Variants in THSD7B observed in about 807,000 individuals in gnomAD.
THSD7B encodes the protein thrombospondin type 1 domain containing 7B, also known as thrombospondin type-1 domain-containing protein 7B.
A neutral mutation model predicts 213.6 loss-of-function variants in THSD7B; 138 were observed. The ratio of observed to expected loss-of-function variants is 0.65; its 90% CI spans 0.56 to 0.74. THSD7B has a LOEUF of 0.74. THSD7B is among the 30% of genes least tolerant of loss of function. The pLI is 0.00. For synonymous variants in THSD7B, 742 were observed against 687.0 expected (o/e 1.08, Z -1.25); for missense variants, 1,931 against 1,991.5 (o/e 0.97, Z 0.58).
intron 19 of THSD7B, among the ~76,000 whole-genome samples, chr2:137,620,233 G>A (rs796420831): frequency 3.3e-5 from 5 of 152,244 alleles, no homozygotes; most frequent in African/African-American, 1.2e-4. Context: ...GGCTTTCTGT[G>A]TTGGCCCTCC....
At chr2:137,129,617 T>A (rs1311831099) in intron 5 of THSD7B, among the ~76,000 whole-genome samples, 1 of 151,944 alleles carries the variant, frequency 6.6e-6, no homozygotes, top group Non-Finnish European at 1.5e-5. Context: ...TTTAAAAAAA[T>A]AGCTTTAGAG....
At chr2:136,807,580 C>T (rs1473962450) in intron 1 of THSD7B, among the ~76,000 whole-genome samples, 7 of 135,166 alleles carry the variant, frequency 5.2e-5, no homozygotes, top group South Asian at 2.5e-4. Flanking sequence ...AATCTTGGCT[C>T]GCTGCAAGCT....
chr2:136,939,306 C>T (rs899679660), intron 2 of THSD7B, among the ~76,000 whole-genome samples: 2 of 152,176 alleles, frequency 1.3e-5, no homozygotes, highest in African/African-American at 2.4e-5. Flanking sequence ...AAGTTATTCT[C>T]TGCTCTCTTG....
intron 7 of THSD7B, among the ~76,000 whole-genome samples, chr2:137,200,768 T>C (rs2105023967): frequency 6.6e-6 from 1 of 152,100 alleles, no homozygotes; most frequent in African/African-American, 2.4e-5. Context: ...GACCCTGGCT[T>C]CCAGTGGTCC....
At chr2:137,477,351 A>G (rs1688214666) in intron 15 of THSD7B, among the ~76,000 whole-genome samples, 1 of 152,252 alleles carries the variant, frequency 6.6e-6, no homozygotes, top group East Asian at 1.9e-4. Context: ...CTGTTTGCAT[A>G]TAATATCTTT....
intron 10 of THSD7B, among the ~76,000 whole-genome samples, chr2:137,253,434 C>CA (rs1284467862): frequency 1.3e-5 from 2 of 152,078 alleles, no homozygotes; most frequent in Non-Finnish European, 1.5e-5. Context: ...GCTATGTTAC[C>CA]ATAAATAAAT....
intron 12 of THSD7B, among the ~76,000 whole-genome samples, chr2:137,398,970 C>T (rs1244332428): frequency 1.3e-5 from 2 of 152,182 alleles, no homozygotes; most frequent in Non-Finnish European, 2.9e-5. Flanking sequence ...GGAAAGGGAA[C>T]TCCCTGACCC....
At chr2:137,673,706 G>T (rs890735211) in intron 27 of THSD7B, among the ~76,000 whole-genome samples, 10 of 152,158 alleles carry the variant, frequency 6.6e-5, no homozygotes, top group African/African-American at 2.4e-4. Context: ...TCCTCCTGAG[G>T]TTCTTTTTTA....
intron 12 of THSD7B, among the ~76,000 whole-genome samples, chr2:137,314,724 C>T (rs1318809611): frequency 6.6e-6 from 1 of 152,152 alleles, no homozygotes; most frequent in Admixed American, 6.5e-5. Flanking sequence ...TTCCTTTTAA[C>T]AGACAGGACC....
chr2:137,095,473 A>G (rs1007336885), intron 4 of THSD7B, among the ~76,000 whole-genome samples: 1 of 152,088 alleles, frequency 6.6e-6, no homozygotes, highest in African/African-American at 2.4e-5. Flanking sequence ...TCTCATAAAA[A>G]CCTGAGAGGC....
intron 2 of THSD7B, among the ~76,000 whole-genome samples, chr2:137,011,963 T>G (rs1385118930): frequency 7.2e-5 from 11 of 152,214 alleles, no homozygotes; most frequent in Non-Finnish European, 1.5e-5. Flanking sequence ...CACCTCTGCA[T>G]CTTCATAGAC....
intron 2 of THSD7B, among the ~76,000 whole-genome samples, chr2:136,906,072 A>C (rs1036969854): frequency 2.0e-5 from 3 of 152,142 alleles, no homozygotes; most frequent in Non-Finnish European, 4.4e-5. Context: ...TGCCTTTCAC[A>C]CCTTCTGCCC....
At chr2:137,176,316 C>A (rs1198313533) in intron 7 of THSD7B, among the ~76,000 whole-genome samples, 2 of 152,102 alleles carry the variant, frequency 1.3e-5, no homozygotes, top group Non-Finnish European at 2.9e-5. Context: ...TTAAGATGTG[C>A]ATTTTAGAAA....
intron 2 of THSD7B, among the ~76,000 whole-genome samples, chr2:136,941,579 T>A (rs1295916383): frequency 2.0e-5 from 3 of 152,210 alleles, no homozygotes; most frequent in Non-Finnish European, 4.4e-5. Context: ...CTCACTGTGG[T>A]TTTGATTTGC....
chr2:136,806,712 C>A (rs1260611894), intron 1 of THSD7B, among the ~76,000 whole-genome samples: 1 of 152,100 alleles, frequency 6.6e-6, no homozygotes, highest in African/African-American at 2.4e-5. Flanking sequence ...CAAATAGTTT[C>A]CTATTATTAT....
intron 12 of THSD7B, among the ~76,000 whole-genome samples, chr2:137,362,624 C>G (rs1354704371): frequency 6.6e-6 from 1 of 151,992 alleles, no homozygotes; most frequent in Admixed American, 6.6e-5. Context: ...CAACAAAGAT[C>G]AAAAGAGACA....
chr2:137,056,515 T>C lies in THSD7B; in HGVS notation c.235T>C (p.Ser79Pro). ...TGTTGACGGGTGGACAAGTCACCTG[T>C]CTAACTGTGGTGAGAGCAACAGGCC... ...FHVDGWTSHL[S>P]NCGESNRPPK... Residue 79 changes from serine to proline, a missense_variant, in exon 3 of 28, where the codon TCT (serine) becomes CCT (proline). Ser to Pro is a moderately conservative substitution (Grantham distance 74). Coordinates refer to ENST00000409968, the MANE Select transcript of THSD7B (RefSeq NM_001316349.2). The C allele has an allele frequency of 3.7e-6, 6 of 1,613,924 alleles. No individual in the cohort carries two copies. Among genetic ancestry groups the C allele is most frequent in the Non-Finnish European group, 5.1e-6 (6 of 1,179,864 alleles).
chr2:137,666,543 C>CCT (rs1216220389), intron 26 of THSD7B, among the ~76,000 whole-genome samples: 3 of 147,344 alleles, frequency 2.0e-5, no homozygotes, highest in East Asian at 4.1e-4. Flanking sequence ...GATTTCCCCC[C>CCT]CCCATAGAAG....
intron 5 of THSD7B, among the ~76,000 whole-genome samples, chr2:137,120,590 T>C (rs925006095): frequency 2.6e-5 from 4 of 152,052 alleles, no homozygotes; most frequent in African/African-American, 9.7e-5. Context: ...GATCTTTTCT[T>C]TCCATTAGGC....
Sources: gnomAD v4.1 joint callset for allele counts (sites outside exome capture counted in the v4.1 genomes callset) on GRCh38, gnomAD v4.1.1 for gene constraint, MANE v1.5 for transcripts, NCBI Gene and HGNC (gene_info 2026-07-23, HGNC 2026-07-21) for gene names.